The following PTCH1 variants were observed in gnomAD, a reference collection of about 807,000 sequenced individuals.
PTCH1 encodes protein patched homolog 1.
A neutral mutation model predicts 144.6 loss-of-function variants in PTCH1; 14 were observed. That is an observed-to-expected ratio of 0.10 (90% CI 0.06 to 0.15). PTCH1 has a LOEUF of 0.15. Among genes scored for constraint, PTCH1 ranks in the 10% least tolerant of loss-of-function variants. The pLI, the probability that PTCH1 is intolerant of heterozygous loss-of-function variation, is 1.00. For missense variants in PTCH1, 1,623 were observed against 1,948.3 expected, an observed-to-expected ratio of 0.83 and a Z score of 3.14; for synonymous variants, 833 against 793.6, an observed-to-expected ratio of 1.05 and a Z score of -0.83.
At chr9:95,489,154 C>G (rs1842197644) in intron 2 of PTCH1, among the ~76,000 whole-genome samples, 1 of 152,218 alleles carries the variant, frequency 6.6e-6, no homozygotes, top group African/African-American at 2.4e-5. Context: ...AGCAATTTTA[C>G]TGACTCGTCT....
At position 95,449,289 on chromosome 9, in the gene PTCH1, G is replaced by C; in HGVS notation, c.3584C>G (p.Thr1195Arg). ...SPANGLNRLP[T>R]PSPEPPPSVV... ...GCTGGGGGGTGGCTCAGGGGAGGGT[G>C]TGGGCAGGCGGTTCAAGCCGTTGGC... is the stretch of plus-strand genomic sequence containing the variant. Residue 1195 changes from threonine (T) to arginine (R), a missense_variant, in exon 22 of 24, where the codon ACA becomes AGA. By Grantham distance (71) the Thr-to-Arg change is moderately conservative. Coordinates refer to ENST00000331920, the MANE Select transcript of PTCH1 (RefSeq NM_000264.5). The surrounding 1 kb of genome is among the most constrained non-coding windows in gnomAD (Gnocchi z 5.3). 1 of 1,557,950 alleles carries C rather than the reference G, an allele frequency of 6.4e-7. No homozygotes were observed. Among genetic ancestry groups the C allele is most frequent in the South Asian group, 1.2e-5 (1 of 84,922 alleles).
intron 20 of PTCH1, chr9:95,450,768 T>A (rs1262734605): frequency 6.6e-6 from 1 of 152,444 alleles, no homozygotes; most frequent in Admixed American, 6.5e-5. Context: ...CGCAGCACCA[T>A]GGCAGAGGAG....
chr9:95,480,192 A>AT (rs1841419864), intron 6 of PTCH1, 102 bp from the exon 7 acceptor site: 10 of 1,580,284 alleles, frequency 6.3e-6, no homozygotes, highest in Admixed American at 3.3e-5. Context: ...CAGAGAGAAC[A>AT]TTAATAGCAA....
intron 19 of PTCH1, among the ~76,000 whole-genome samples, chr9:95,455,793 C>T (rs1291917390): frequency 2.0e-5 from 3 of 152,090 alleles, no homozygotes; most frequent in East Asian, 1.9e-4. Context: ...CTCCTAAGCC[C>T]GAGGGTACTT....
At position 95,485,761 on chromosome 9, in the gene PTCH1, G is replaced by C. The variant is rs1841917213; in HGVS notation, c.508C>G (p.Leu170Val). 6.2e-7 allele frequency: 1 copy of C among 1,614,204 alleles called. No homozygotes were observed. The highest frequency in any genetic ancestry group is 8.5e-7 in the Non-Finnish European group (1 of 1,180,048). ...QTPKEEGANV[L>V]TTEALLQHLD... ...TGTTGTAGGAGCGCTTCTGTGGTCA[G>C]GACATTAGCACCTTCTTCTTTAGGG... Residue 170 changes from leucine to valine, a missense_variant, in exon 3 of 24, where the codon CTG becomes GTG. Physicochemically the swap from Leu to Val is conservative, Grantham distance 32. Coordinates refer to ENST00000331920, the MANE Select transcript of PTCH1 (RefSeq NM_000264.5).
chr9:95,454,138 C>T (rs1018867554), intron 19 of PTCH1, among the ~76,000 whole-genome samples: 40 of 152,358 alleles, frequency 2.6e-4, no homozygotes, highest in African/African-American at 9.6e-4. Context: ...GCAAGAAATA[C>T]ACAGGACCGT....
At chr9:95,459,518 G>A (rs1839263906) in intron 17 of PTCH1, 82 bp downstream of exon 17, 8 of 1,519,494 alleles carry the variant, frequency 5.3e-6, no homozygotes, top group South Asian at 2.3e-5. Flanking sequence ...TAGCGTCAAC[G>A]GATGAAGGCT....
intron 2 of PTCH1, 187 bp downstream of exon 2, chr9:95,506,220 T>A: frequency 1.5e-6 from 1 of 657,178 alleles, no homozygotes; most frequent in East Asian, 3.0e-5. Flanking sequence ...CCGAGTAGAT[T>A]ACAGCGCGGC....
At chr9:95,506,953 G>A in intron 1 of PTCH1, 1 of 1,022,684 alleles carries the variant, frequency 9.8e-7, no homozygotes, top group Non-Finnish European at 1.2e-6. Context: ...GCTGAGAAGG[G>A]AGGGGCTGCG....
In PTCH1 at chr9:95,444,505, GCA is replaced by G. The variant is rs1191114516; in HGVS notation, c.*1886_*1887del. Reference sequence around the variant, plus strand: ...CCAGCAGAGACACACACACACGCACGCACGCACACACACACACACACACCCAG... The same window carrying G: ...CCAGCAGAGACACACACACACGCACGCGCACACACACACACACACACCCAG... On this transcript the variant is annotated 3_prime_UTR_variant, in exon 24 of 24. Transcript: ENST00000331920. 1.4e-5 allele frequency: 2 copies of G among 140,878 alleles called. No individual in the cohort carries two copies. Among genetic ancestry groups the G allele is most frequent in the East Asian group, 4.2e-4 (2 of 4,808 alleles). The allele number at this position is 140,878 out of a possible 1,614,324, so 8.7% of individuals were successfully genotyped here.
At chr9:95,513,670 C>G (rs1301212984), upstream of PTCH1, among the ~76,000 whole-genome samples, 1 of 152,002 alleles carries the variant, frequency 6.6e-6, no homozygotes, top group Non-Finnish European at 1.5e-5. Flanking sequence ...TTTGTATATT[C>G]TTAAAAGGTG....
chr9:95,472,105 C>T (rs1840639687), intron 12 of PTCH1, among the ~76,000 whole-genome samples: 1 of 151,688 alleles, frequency 6.6e-6, no homozygotes, highest in South Asian at 2.1e-4. Flanking sequence ...GAAAAAAACA[C>T]AGAGTGTGCA....
chr9:95,473,571 G>C (rs1477135682), intron 12 of PTCH1, among the ~76,000 whole-genome samples: 2 of 138,012 alleles, frequency 1.4e-5, no homozygotes, highest in East Asian at 4.1e-4. Context: ...TTGAGACAGA[G>C]TCTTGTTCTG....
At chr9:95,497,199 T>C (rs1311408731) in intron 2 of PTCH1, among the ~76,000 whole-genome samples, 1 of 152,208 alleles carries the variant, frequency 6.6e-6, no homozygotes, top group Non-Finnish European at 1.5e-5. Context: ...TTAAAAACCC[T>C]GAGTGTAGTC....
Position 95,458,070 on chromosome 9 carries a change from G to A in PTCH1, c.3111C>T (p.Ala1037=), listed in dbSNP as rs1009386754. ...AGACAGCGCACACGAGGAATGTGCA[G>A]GCCAACACCACGCTGATGAACAGCA... The part of the protein sequence containing the change: ...WLLLFISVVL[A]CTFLVCAVFL... Residue 1037 remains alanine (A), a synonymous_variant, in exon 18 of 24, where the codon GCC becomes GCT. Coordinates refer to ENST00000331920, the MANE Select transcript of PTCH1 (RefSeq NM_000264.5). This position sits in a 1 kb window ranked among gnomAD's most constrained non-coding sequence, Gnocchi z 4.7. 8 of 1,614,094 alleles carry A rather than the reference G, an allele frequency of 5.0e-6. No homozygotes were observed. In the African/African-American group the frequency reaches 9.3e-5, roughly 19 times the overall value.
At chr9:95,455,958 A>C (rs1300839256) in intron 19 of PTCH1, among the ~76,000 whole-genome samples, 1 of 152,182 alleles carries the variant, frequency 6.6e-6, no homozygotes, top group East Asian at 1.9e-4. Context: ...AAACGTCACA[A>C]CGTCAGGAAT....
chr9:95,477,166 G>C (rs1841110821), intron 10 of PTCH1, among the ~76,000 whole-genome samples: 1 of 152,230 alleles, frequency 6.6e-6, no homozygotes, highest in African/African-American at 2.4e-5. Flanking sequence ...GAATTGCCCT[G>C]AAGTGCACAT....
intron 1 of PTCH1, chr9:95,506,976 T>C (rs2118889790): frequency 9.9e-7 from 1 of 1,005,088 alleles, no homozygotes; most frequent in Non-Finnish European, 1.2e-6. Context: ...ATCCCAGCGA[T>C]GGAGCCCAAG....
chr9:95,467,541 C>T (rs1840126924), intron 14 of PTCH1, 116 bp from the exon 15 acceptor site: 2 of 1,019,682 alleles, frequency 2.0e-6, no homozygotes, highest in African/African-American at 3.2e-5. Flanking sequence ...ACTGATTTAT[C>T]TTGTAGGGGT....
Sources: allele counts gnomAD v4.1 joint callset (sites outside exome capture counted in the v4.1 genomes callset), GRCh38; gene constraint gnomAD v4.1.1; non-coding constraint Gnocchi (gnomAD v3.1); transcripts MANE v1.5; gene names NCBI Gene and HGNC (gene_info 2026-07-23, HGNC 2026-07-21).